The following MGAT5 variants were observed in gnomAD, a reference collection of about 807,000 sequenced individuals.
The protein encoded by MGAT5 is alpha-1,6-mannosylglycoprotein 6-beta-N-acetylglucosaminyltransferase.
A neutral mutation model predicts 94.3 loss-of-function variants in MGAT5; 30 were observed. That is an observed-to-expected ratio of 0.32 (90% CI 0.24 to 0.43). The LOEUF (loss-of-function observed/expected upper bound fraction) is 0.43, where lower values mean the gene tolerates loss of function less well. MGAT5 is among the 20% of genes least tolerant of loss of function. The probability of loss-of-function intolerance (pLI) is 1.00; values close to 1 mark genes in which losing one functional copy is unlikely to be tolerated. For missense variants in MGAT5, 691 were observed against 905.5 expected, an observed-to-expected ratio of 0.76 and a Z score of 3.04; for synonymous variants, 310 against 322.9, an observed-to-expected ratio of 0.96 and a Z score of 0.43.
intron 1 of MGAT5, among the ~76,000 whole-genome samples, chr2:134,201,464 G>A (rs1679781035): frequency 6.6e-6 from 1 of 152,126 alleles, no homozygotes; most frequent in Admixed American, 6.5e-5. Context: ...GTAGATGGGA[G>A]GGAAGATGGG....
intron 1 of MGAT5, among the ~76,000 whole-genome samples, chr2:134,259,225 G>C (rs918739976): frequency 6.6e-6 from 1 of 152,058 alleles, no homozygotes; most frequent in African/African-American, 2.4e-5. Context: ...AGAGCCCTCT[G>C]CAGGTCAGCC....
chr2:134,410,643 TC>T (rs1241258229), intron 11 of MGAT5, among the ~76,000 whole-genome samples: 1 of 152,214 alleles, frequency 6.6e-6, no homozygotes, highest in Non-Finnish European at 1.5e-5. Context: ...CAGCCTCAAA[TC>T]CTTTTAATTA....
chr2:134,313,763 AG>A (rs1686839432), intron 2 of MGAT5, among the ~76,000 whole-genome samples: 1 of 152,116 alleles, frequency 6.6e-6, no homozygotes, highest in African/African-American at 2.4e-5. Context: ...TTATAATAAA[AG>A]TTTGTTACAT....
chr2:134,425,894 C>CTT (rs58839374), intron 13 of MGAT5, among the ~76,000 whole-genome samples: 14,295 of 144,392 alleles, frequency 0.099, 1,236 homozygotes, highest in African/African-American at 0.24. Context: ...AGTAACAGTC[C>CTT]TTTTTTTTTT....
intron 4 of MGAT5, 65 bp from the exon 5 acceptor site, chr2:134,336,152 G>C: frequency 7.5e-7 from 1 of 1,329,848 alleles, no homozygotes; most frequent in Non-Finnish European, 1.1e-6. Flanking sequence ...TGTTCTCGGT[G>C]CTTTTTATGT....
intron 9 of MGAT5, among the ~76,000 whole-genome samples, chr2:134,355,008 C>T (rs1679639396): frequency 6.6e-6 from 1 of 152,190 alleles, no homozygotes; most frequent in African/African-American, 2.4e-5. Context: ...AACTCCACAG[C>T]AAAGTATTCA....
At position 134,270,351 on chromosome 2, in the gene MGAT5, T is replaced by C. The variant is rs139679720; in HGVS notation, c.242-35T>C. On this transcript the variant is annotated intron_variant, in intron 1 of 15. Coordinates refer to ENST00000281923, the MANE Select transcript of MGAT5 (RefSeq NM_002410.5). ...AAGCCAGACAGATATGTAGAGGCCATAGAATTTTAAAATTGTCTGCACTTT... is the reference window on the plus strand; with the variant it reads ...AAGCCAGACAGATATGTAGAGGCCACAGAATTTTAAAATTGTCTGCACTTT... 8.7e-5 allele frequency: 140 copies of C among 1,603,700 alleles called. No individual in the cohort carries two copies. The East Asian group carries it at 2.2e-3, about 25-fold the overall frequency.
At chr2:134,397,780 C>T (rs528170130) in intron 10 of MGAT5, among the ~76,000 whole-genome samples, 14 of 152,130 alleles carry the variant, frequency 9.2e-5, no homozygotes, top group African/African-American at 2.4e-4. Context: ...CCAGACATTA[C>T]GATAGCAGTT....
chr2:134,174,573 A>G (rs966915403), intron 1 of MGAT5, among the ~76,000 whole-genome samples: 5 of 152,262 alleles, frequency 3.3e-5, no homozygotes, highest in African/African-American at 7.2e-5. Context: ...TAATCAACAA[A>G]TGCAGAGTAT....
At chr2:134,420,971 G>C (rs1054971551) in intron 12 of MGAT5, among the ~76,000 whole-genome samples, 2 of 152,176 alleles carry the variant, frequency 1.3e-5, no homozygotes, top group Non-Finnish European at 2.9e-5. Flanking sequence ...TATTTAAAAG[G>C]AATGAAACAT....
At chr2:134,339,610 ATTAT>A (rs1688519646) in intron 6 of MGAT5, among the ~76,000 whole-genome samples, 1 of 152,184 alleles carries the variant, frequency 6.6e-6, no homozygotes, top group African/African-American at 2.4e-5. Flanking sequence ...AAATGGTCCA[ATTAT>A]TAAGGGGAGT....
At chr2:134,284,745 A>G (rs1238477721) in intron 2 of MGAT5, among the ~76,000 whole-genome samples, 1 of 152,200 alleles carries the variant, frequency 6.6e-6, no homozygotes, top group Non-Finnish European at 1.5e-5. Flanking sequence ...TCTACCCAAA[A>G]TGGTGGCAGT....
intron 1 of MGAT5, among the ~76,000 whole-genome samples, chr2:134,217,233 A>T (rs1364617694): frequency 1.1e-5 from 1 of 93,062 alleles, no homozygotes; most frequent in Non-Finnish European, 2.0e-5. Flanking sequence ...TGAGGGAGAG[A>T]GAGTGGTGTG....
intron 10 of MGAT5, among the ~76,000 whole-genome samples, chr2:134,388,621 A>G (rs1484277251): frequency 6.6e-6 from 1 of 152,168 alleles, no homozygotes; most frequent in Non-Finnish European, 1.5e-5. Flanking sequence ...ACAGGAGCTT[A>G]TTTGTTATAC....
intron 9 of MGAT5, among the ~76,000 whole-genome samples, chr2:134,358,809 G>C (rs1355920210): frequency 6.6e-6 from 1 of 152,146 alleles, no homozygotes; most frequent in Non-Finnish European, 1.5e-5. Context: ...TTAAGTAGCT[G>C]GTAAGCTCCT....
chr2:134,176,168 C>T (rs1471508122), intron 1 of MGAT5, among the ~76,000 whole-genome samples: 1 of 151,928 alleles, frequency 6.6e-6, no homozygotes, highest in African/African-American at 2.4e-5. Context: ...TGGGCCAGAA[C>T]ATGGAGGAGA....
At chr2:134,273,815 C>G (rs1684181798) in intron 2 of MGAT5, among the ~76,000 whole-genome samples, 1 of 152,106 alleles carries the variant, frequency 6.6e-6, no homozygotes, top group Admixed American at 6.6e-5. Flanking sequence ...TCAGATTGAA[C>G]TGGATTTTTG....
At chr2:134,254,726 T>TC in intron 1 of MGAT5, 82 bp downstream of exon 1, 1 of 1,543,402 alleles carries the variant, frequency 6.5e-7, no homozygotes, top group Admixed American at 1.9e-5. Context: ...TATGGTCTTG[T>TC]CATGGACTGA....
At chr2:134,340,049 T>TC (rs1202456654) in intron 6 of MGAT5, among the ~76,000 whole-genome samples, 2 of 152,112 alleles carry the variant, frequency 1.3e-5, no homozygotes, top group Non-Finnish European at 2.9e-5. Flanking sequence ...AGAGAAGAAT[T>TC]AATGGATGGT....
Sources: gnomAD v4.1 joint callset for allele counts (sites outside exome capture counted in the v4.1 genomes callset) on GRCh38, gnomAD v4.1.1 for gene constraint, MANE v1.5 for transcripts, NCBI Gene and HGNC (gene_info 2026-07-23, HGNC 2026-07-21) for gene names.